The following RANBP2 variants were observed in gnomAD, a reference collection of about 807,000 sequenced individuals.
The protein encoded by RANBP2 is E3 SUMO-protein ligase RanBP2.
RANBP2 carries 57 observed loss-of-function variants against 303.6 expected under a neutral mutation model. The ratio of observed to expected loss-of-function variants is 0.19; its 90% CI spans 0.15 to 0.23. RANBP2 has a LOEUF of 0.23. Among genes scored for constraint, RANBP2 ranks in the 10% least tolerant of loss-of-function variants. The pLI is 1.00. For missense variants in RANBP2, 3,138 were observed against 3,780.8 expected, an observed-to-expected ratio of 0.83 and a Z score of 4.46; for synonymous variants, 1,167 against 1,301.5, an observed-to-expected ratio of 0.90 and a Z score of 2.23.
the RANBP2 span, among the ~76,000 whole-genome samples, chr2:109,002,991 A>G: frequency 2.6e-5 from 4 of 152,024 alleles, no homozygotes; most frequent in Admixed American, 6.5e-5. Context: ...GCAGATCAAG[A>G]GGTCAGGAGT....
chr2:108,921,369 G>C, the RANBP2 span, among the ~76,000 whole-genome samples: 1 of 152,324 alleles, frequency 6.6e-6, no homozygotes, highest in South Asian at 2.1e-4. Flanking sequence ...CAAGTCTGAC[G>C]GTGGTTTGCG....
At chr2:109,491,103 A>C in the RANBP2 span, among the ~76,000 whole-genome samples, 1 of 152,208 alleles carries the variant, frequency 6.6e-6, no homozygotes, top group Non-Finnish European at 1.5e-5. Context: ...TGAGTGCTGG[A>C]TGAAACGAGT....
At chr2:109,552,698 G>T in the RANBP2 span, 1 of 183,180 alleles carries the variant, frequency 5.5e-6, no homozygotes, top group Non-Finnish European at 1.1e-5. Flanking sequence ...TCTTCTTTTA[G>T]CCTTGGCACT....
the RANBP2 span, among the ~76,000 whole-genome samples, chr2:109,060,728 A>G: frequency 6.6e-6 from 1 of 152,118 alleles, no homozygotes; most frequent in Non-Finnish European, 1.5e-5. Flanking sequence ...TCCATTTGCC[A>G]CCCTGGGCCT....
At chr2:109,654,906 C>CTT in the RANBP2 span, among the ~76,000 whole-genome samples, 561 of 142,368 alleles carry the variant, frequency 3.9e-3, 3 homozygotes, top group South Asian at 0.021. Flanking sequence ...CTTTTCTTTT[C>CTT]TTTTTTTTTT....
At chr2:108,886,251 G>T in the RANBP2 span, among the ~76,000 whole-genome samples, 2 of 152,002 alleles carry the variant, frequency 1.3e-5, no homozygotes, top group African/African-American at 4.8e-5. Flanking sequence ...CTACATCCTT[G>T]CCAACATCTG....
chr2:108,827,248 A>C, the RANBP2 span, among the ~76,000 whole-genome samples: 2 of 152,240 alleles, frequency 1.3e-5, no homozygotes, highest in African/African-American at 4.8e-5. Context: ...ATTAGAACTC[A>C]TGATTTCAGT....
At chr2:109,056,347 T>C in the RANBP2 span, among the ~76,000 whole-genome samples, 1 of 152,084 alleles carries the variant, frequency 6.6e-6, no homozygotes, top group Admixed American at 6.5e-5. Context: ...TTGAATTTTT[T>C]TGTAGAGACG....
chr2:109,126,750 C>T, the RANBP2 span, among the ~76,000 whole-genome samples: 2 of 152,198 alleles, frequency 1.3e-5, no homozygotes, highest in Admixed American at 1.3e-4. Flanking sequence ...GCCTGGGATC[C>T]TATGAGATGC....
chr2:109,736,416 A>G, the RANBP2 span, among the ~76,000 whole-genome samples: 1 of 152,190 alleles, frequency 6.6e-6, no homozygotes, highest in African/African-American at 2.4e-5. Flanking sequence ...CTATTCCTCC[A>G]GCTCCCTCTG....
At chr2:109,231,284 G>T in the RANBP2 span, among the ~76,000 whole-genome samples, 1 of 152,258 alleles carries the variant, frequency 6.6e-6, no homozygotes, top group African/African-American at 2.4e-5. Context: ...GAATTGGTGG[G>T]TGGATGTGGG....
the RANBP2 span, among the ~76,000 whole-genome samples, chr2:109,415,007 A>G: frequency 3.3e-5 from 5 of 152,198 alleles, no homozygotes; most frequent in Admixed American, 6.5e-5. Flanking sequence ...GGCCCTCCCG[A>G]GAGGGAAGCA....
chr2:109,408,322 TG>T, the RANBP2 span, among the ~76,000 whole-genome samples: 1 of 152,166 alleles, frequency 6.6e-6, no homozygotes, highest in African/African-American at 2.4e-5. Flanking sequence ...GGCTGTAATG[TG>T]AAGACCCATG....
the RANBP2 span, among the ~76,000 whole-genome samples, chr2:109,048,883 T>C: frequency 0.011 from 1,619 of 152,310 alleles, 28 homozygotes; most frequent in African/African-American, 0.037. Context: ...TTAATGAACC[T>C]GAAAAATGAG....
chr2:109,675,751 C>T, the RANBP2 span, among the ~76,000 whole-genome samples: 3 of 152,294 alleles, frequency 2.0e-5, no homozygotes, highest in African/African-American at 7.2e-5. Flanking sequence ...TAGCCCAGGC[C>T]TCCTTCCTTC....
At chr2:109,353,875 C>T in the RANBP2 span, among the ~76,000 whole-genome samples, 1 of 152,126 alleles carries the variant, frequency 6.6e-6, no homozygotes, top group Non-Finnish European at 1.5e-5. Context: ...GCAGGTTCCC[C>T]TCAGCCCTCA....
the RANBP2 span, among the ~76,000 whole-genome samples, chr2:109,195,391 C>T: frequency 8.5e-5 from 13 of 152,240 alleles, no homozygotes; most frequent in Admixed American, 7.2e-4. Context: ...CCTCTGGGAC[C>T]AGGCAGGCCC....
At chr2:109,700,201 G>T in the RANBP2 span, among the ~76,000 whole-genome samples, 1 of 152,158 alleles carries the variant, frequency 6.6e-6, no homozygotes, top group Non-Finnish European at 1.5e-5. Flanking sequence ...TACATTCAAG[G>T]TCAGAGTAAA....
chr2:109,557,274 C>T, the RANBP2 span, among the ~76,000 whole-genome samples: 1 of 152,082 alleles, frequency 6.6e-6, no homozygotes, highest in South Asian at 2.1e-4. Context: ...TTGAGTTGTT[C>T]ACAAGGAAAA....
Sources: allele counts gnomAD v4.1 joint callset (sites outside exome capture counted in the v4.1 genomes callset), GRCh38; gene constraint gnomAD v4.1.1; transcripts MANE v1.5; gene names NCBI Gene and HGNC (gene_info 2026-07-23, HGNC 2026-07-21).